CDH9: variants seen among roughly 807,000 people sequenced by gnomAD.
The protein encoded by CDH9 is cadherin 9.
Under a neutral mutation model 70.9 loss-of-function variants are expected in CDH9, and 28 were observed. The ratio of observed to expected loss-of-function variants is 0.40; its 90% CI spans 0.29 to 0.54. The LOEUF is 0.54. CDH9 is among the 20% of genes least tolerant of loss of function. The pLI, the probability that CDH9 is intolerant of heterozygous loss-of-function variation, is 0.59. For synonymous variants in CDH9, 409 were observed against 343.1 expected, an observed-to-expected ratio of 1.19 and a Z score of -2.12; for missense variants, 874 against 984.4, an observed-to-expected ratio of 0.89 and a Z score of 1.50.
intron 2 of CDH9, among the ~76,000 whole-genome samples, chr5:26,925,634 T>C (rs1043606370): frequency 1.3e-5 from 2 of 152,156 alleles, no homozygotes; most frequent in East Asian, 1.9e-4. Flanking sequence ...CATGCCTATG[T>C]CCTAAATGGT....
chr5:26,944,351 G>A (rs575842482), intron 2 of CDH9, among the ~76,000 whole-genome samples: 2 of 151,300 alleles, frequency 1.3e-5, no homozygotes, highest in African/African-American at 4.9e-5. Flanking sequence ...AAAATATCTT[G>A]TCTCTAAAAA....
At chr5:27,019,381 A>G (rs1319969029) in intron 1 of CDH9, among the ~76,000 whole-genome samples, 1 of 151,990 alleles carries the variant, frequency 6.6e-6, no homozygotes, top group African/African-American at 2.4e-5. Flanking sequence ...TGCTAATCCC[A>G]TCTTAGTAAT....
At chr5:26,953,947 A>AAC (rs143498199) in intron 2 of CDH9, among the ~76,000 whole-genome samples, 3,592 of 151,908 alleles carry the variant, frequency 0.024, 143 homozygotes, top group African/African-American at 0.081. Context: ...TGAAACATAA[A>AAC]ACACACACAC....
intron 1 of CDH9, among the ~76,000 whole-genome samples, chr5:27,008,970 T>A (rs561118326): frequency 3.2e-4 from 49 of 152,244 alleles, no homozygotes; most frequent in Non-Finnish European, 3.5e-4. Flanking sequence ...CCAAATAAGG[T>A]TACTTTGTCT....
At chr5:27,038,011 C>T (rs1436990301) in intron 1 of CDH9, among the ~76,000 whole-genome samples, 1 of 151,462 alleles carries the variant, frequency 6.6e-6, no homozygotes, top group Non-Finnish European at 1.5e-5. Context: ...ATAAAGATGC[C>T]CTTATTTTTG....
chr5:26,947,998 C>T (rs541598626), intron 2 of CDH9, among the ~76,000 whole-genome samples: 5 of 151,968 alleles, frequency 3.3e-5, no homozygotes, highest in Non-Finnish European at 5.9e-5. Flanking sequence ...TTTTGAACAC[C>T]GAGAGTCGAA....
intron 2 of CDH9, among the ~76,000 whole-genome samples, chr5:26,923,335 A>G (rs549539610): frequency 1.3e-5 from 2 of 152,010 alleles, no homozygotes; most frequent in Admixed American, 1.3e-4. Flanking sequence ...TTACTATATT[A>G]TAATAAAGGA....
intron 2 of CDH9, among the ~76,000 whole-genome samples, chr5:26,928,402 T>C (rs1348423750): frequency 2.0e-5 from 3 of 151,996 alleles, no homozygotes; most frequent in Non-Finnish European, 4.4e-5. Context: ...TCAATATTGT[T>C]AAAATATCCA....
chr5:26,978,068 A>G (rs1742332833), intron 2 of CDH9, among the ~76,000 whole-genome samples: 1 of 152,074 alleles, frequency 6.6e-6, no homozygotes, highest in Non-Finnish European at 1.5e-5. Context: ...ACGAAACTCA[A>G]CACTCTTTAA....
At chr5:26,955,993 T>C (rs1024550118) in intron 2 of CDH9, among the ~76,000 whole-genome samples, 1 of 152,196 alleles carries the variant, frequency 6.6e-6, no homozygotes, top group African/African-American at 2.4e-5. Flanking sequence ...TAAAATTTAA[T>C]TGCCATTTTA....
intron 2 of CDH9, among the ~76,000 whole-genome samples, chr5:26,976,655 G>T (rs1461291245): frequency 1.3e-5 from 2 of 152,046 alleles, no homozygotes; most frequent in African/African-American, 4.8e-5. Context: ...GCACAGGCTG[G>T]TCTTGAACTC....
intron 1 of CDH9, among the ~76,000 whole-genome samples, chr5:27,021,850 AG>A (rs1411945827): frequency 6.6e-6 from 1 of 152,000 alleles, no homozygotes; most frequent in Non-Finnish European, 1.5e-5. Context: ...TCATAACATC[AG>A]GAAGAAATCT....
At chr5:26,948,345 C>T (rs924538127) in intron 2 of CDH9, among the ~76,000 whole-genome samples, 3 of 152,174 alleles carry the variant, frequency 2.0e-5, no homozygotes, top group African/African-American at 4.8e-5. Context: ...AGAGATGAAA[C>T]ATTTTTCTAG....
intron 1 of CDH9, among the ~76,000 whole-genome samples, chr5:26,989,561 A>G (rs1742547058): frequency 7.0e-6 from 1 of 142,822 alleles, no homozygotes; most frequent in African/African-American, 2.6e-5. Context: ...TTTCTCTTTC[A>G]CCCTGACTAA....
chr5:27,036,379 T>C (rs1012611615), intron 1 of CDH9, among the ~76,000 whole-genome samples: 1 of 151,878 alleles, frequency 6.6e-6, no homozygotes, highest in African/African-American at 2.4e-5. Flanking sequence ...CAACACAACA[T>C]TTAAAAGAAT....
chr5:27,009,454 C>A (rs1280402682), intron 1 of CDH9, among the ~76,000 whole-genome samples: 2 of 152,068 alleles, frequency 1.3e-5, no homozygotes, highest in Admixed American at 6.6e-5. Context: ...TGTCCTGTTG[C>A]CAGCCCCCCT....
intron 1 of CDH9, among the ~76,000 whole-genome samples, chr5:27,013,421 T>C (rs1742991681): frequency 6.6e-6 from 1 of 151,982 alleles, no homozygotes; most frequent in Admixed American, 6.6e-5. Context: ...TCTTTTAACA[T>C]ACTCTATTCA....
intron 2 of CDH9, among the ~76,000 whole-genome samples, chr5:26,932,407 A>G (rs1741478723): frequency 6.7e-6 from 1 of 149,584 alleles, no homozygotes; most frequent in Admixed American, 6.6e-5. Flanking sequence ...TTAACAATAA[A>G]AGAAAAAAAA....
intron 2 of CDH9, among the ~76,000 whole-genome samples, chr5:26,980,344 A>G (rs1742379146): frequency 6.6e-6 from 1 of 151,902 alleles, no homozygotes; most frequent in African/African-American, 2.4e-5. Flanking sequence ...TGATATGATG[A>G]ATCAGTAATC....
Sources: allele counts gnomAD v4.1 joint callset (sites outside exome capture counted in the v4.1 genomes callset), GRCh38; gene constraint gnomAD v4.1.1; transcripts MANE v1.5; gene names NCBI Gene and HGNC (gene_info 2026-07-23, HGNC 2026-07-21).